The following SPATA13 variants were observed in gnomAD, a reference collection of about 807,000 sequenced individuals.
The protein encoded by SPATA13 is spermatogenesis-associated protein 13.
SPATA13 carries 50 observed loss-of-function variants against 104.0 expected under a neutral mutation model. The observed-to-expected ratio is 0.48, with a 90% CI of 0.38 to 0.61. The LOEUF is 0.61. Among genes scored for constraint, SPATA13 ranks in the 20% least tolerant of loss-of-function variants. SPATA13 has a pLI of 0.00. For synonymous variants in SPATA13, 606 were observed against 667.5 expected, an observed-to-expected ratio of 0.91 and a Z score of 1.42; for missense variants, 1,524 against 1,690.6, an observed-to-expected ratio of 0.90 and a Z score of 1.73.
At chr13:24,121,236 G>A (rs1425421888) in intron 3 of SPATA13, among the ~76,000 whole-genome samples, 3 of 152,078 alleles carry the variant, frequency 2.0e-5, no homozygotes, top group African/African-American at 7.2e-5. Flanking sequence ...GTCATTTTTA[G>A]CAGCAATGAA....
intron 7 of SPATA13, among the ~76,000 whole-genome samples, chr13:24,288,291 T>G (rs1876100683): frequency 6.6e-6 from 1 of 152,234 alleles, no homozygotes; most frequent in Non-Finnish European, 1.5e-5. Context: ...TTTTCTGAAC[T>G]ATTACATTAT....
intron 2 of SPATA13, among the ~76,000 whole-genome samples, chr13:24,232,776 T>A (rs1441346089): frequency 6.6e-6 from 1 of 152,230 alleles, no homozygotes; most frequent in Non-Finnish European, 1.5e-5. Context: ...CTCGAGCTCC[T>A]GAGCTCAAGT....
chr13:24,004,633 G>A (rs571448079), intron 2 of SPATA13, among the ~76,000 whole-genome samples: 12 of 152,254 alleles, frequency 7.9e-5, no homozygotes, highest in African/African-American at 2.9e-4. Flanking sequence ...CCAGGAAGAC[G>A]CAGGTGTGGT....
chr13:24,280,713 A>C (rs771222280), intron 4 of SPATA13, among the ~76,000 whole-genome samples: 21 of 152,216 alleles, frequency 1.4e-4, no homozygotes, highest in Non-Finnish European at 2.8e-4. Flanking sequence ...CAGCCGCTCC[A>C]GGGTTAGAGA....
At chr13:24,285,999 G>A (rs144213074) in intron 5 of SPATA13, among the ~76,000 whole-genome samples, 2 of 152,312 alleles carry the variant, frequency 1.3e-5, no homozygotes, top group East Asian at 3.9e-4. Flanking sequence ...TTCTTTAAAA[G>A]CAGGTAGAGA....
chr13:24,184,016 C>T (rs927393707), intron 1 of SPATA13, among the ~76,000 whole-genome samples: 10 of 152,084 alleles, frequency 6.6e-5, no homozygotes, highest in South Asian at 2.1e-4. Flanking sequence ...GGAAGTGGCG[C>T]GCTCAAGGTC....
At chr13:24,267,066 C>G (rs1236629874) in intron 4 of SPATA13, among the ~76,000 whole-genome samples, 1 of 152,154 alleles carries the variant, frequency 6.6e-6, no homozygotes, top group African/African-American at 2.4e-5. Context: ...AGCTGAAAGT[C>G]CTATCTCCTT....
At chr13:24,019,912 G>T (rs979091903) in intron 3 of SPATA13, among the ~76,000 whole-genome samples, 1 of 152,096 alleles carries the variant, frequency 6.6e-6, no homozygotes, top group South Asian at 2.1e-4. Flanking sequence ...CATCTCTCTC[G>T]CCCTGGAGTC....
At chr13:24,117,156 CAA>C (rs988086915) in intron 3 of SPATA13, among the ~76,000 whole-genome samples, 5 of 152,152 alleles carry the variant, frequency 3.3e-5, no homozygotes, top group Non-Finnish European at 7.4e-5. Flanking sequence ...AAAAACAAAA[CAA>C]GAGATTTGCT....
intron 3 of SPATA13, among the ~76,000 whole-genome samples, chr13:24,039,813 C>A (rs1877846656): frequency 6.6e-6 from 1 of 152,170 alleles, no homozygotes; most frequent in African/African-American, 2.4e-5. Flanking sequence ...GAACAGCTAT[C>A]AATGCTGTCA....
At chr13:24,057,711 C>T (rs540962069) in intron 3 of SPATA13, among the ~76,000 whole-genome samples, 2 of 151,794 alleles carry the variant, frequency 1.3e-5, no homozygotes, top group South Asian at 2.1e-4. Context: ...ATTGCCACAC[C>T]GTATATATGT....
chr13:24,026,193 G>A (rs944300780), intron 3 of SPATA13, among the ~76,000 whole-genome samples: 4 of 152,210 alleles, frequency 2.6e-5, no homozygotes, highest in African/African-American at 9.7e-5. Context: ...ATGATGAACA[G>A]AAGTTCTTAA....
chr13:24,008,747 A>G (rs546225418), intron 2 of SPATA13, among the ~76,000 whole-genome samples: 1 of 152,220 alleles, frequency 6.6e-6, no homozygotes, highest in South Asian at 2.1e-4. Flanking sequence ...TTTGGCCCCC[A>G]GCTCCCTGTC....
At chr13:24,156,452 C>A (rs2138477263), upstream of SPATA13, among the ~76,000 whole-genome samples, 1 of 152,310 alleles carries the variant, frequency 6.6e-6, no homozygotes. Flanking sequence ...GTACTCTAGT[C>A]CTTTGGCCTT....
chr13:24,101,571 T>G (rs190862195), intron 3 of SPATA13, among the ~76,000 whole-genome samples: 17 of 152,362 alleles, frequency 1.1e-4, no homozygotes, highest in Non-Finnish European at 1.3e-4. Context: ...CACATTCTCA[T>G]GCAGAAGATC....
At chr13:24,034,963 C>G (rs1230212438) in intron 3 of SPATA13, 1 of 152,204 alleles carries the variant, frequency 6.6e-6, no homozygotes, top group African/African-American at 2.4e-5. Context: ...GGAGAGAGTT[C>G]AAAGCAACTG....
At chr13:24,069,483 AT>A (rs1445797910) in intron 3 of SPATA13, among the ~76,000 whole-genome samples, 2 of 152,160 alleles carry the variant, frequency 1.3e-5, no homozygotes, top group African/African-American at 4.8e-5. Context: ...ATCCTGAGAC[AT>A]TGTTGAAGTT....
chr13:24,171,844 C>CCTAA (rs1324091122), intron 1 of SPATA13, among the ~76,000 whole-genome samples: 1 of 152,088 alleles, frequency 6.6e-6, no homozygotes, highest in Non-Finnish European at 1.5e-5. Context: ...AACTGGTTGG[C>CCTAA]CTAAGAAAAG....
At chr13:23,990,397 T>C (rs1443729220) in intron 2 of SPATA13, among the ~76,000 whole-genome samples, 1 of 152,172 alleles carries the variant, frequency 6.6e-6, no homozygotes, top group Non-Finnish European at 1.5e-5. Flanking sequence ...CCTTGCTCAT[T>C]GCCCCCTCCT....
Sources: allele counts gnomAD v4.1 joint callset (sites outside exome capture counted in the v4.1 genomes callset), GRCh38; gene constraint gnomAD v4.1.1; transcripts MANE v1.5; gene names NCBI Gene and HGNC (gene_info 2026-07-23, HGNC 2026-07-21).